Variants in PPP1R13B observed in about 807,000 individuals in gnomAD.
PPP1R13B encodes the protein protein phosphatase 1 regulatory subunit 13B, also known as apoptosis-stimulating of p53 protein 1.
In PPP1R13B, 44 loss-of-function variants were observed where a neutral mutation model predicts 119.8. The observed-to-expected ratio is 0.37, with a 90% CI of 0.29 to 0.47. The LOEUF is 0.47. PPP1R13B is among the 20% of genes least tolerant of loss of function. The pLI is 0.99. For synonymous variants in PPP1R13B, 542 were observed against 561.5 expected, an observed-to-expected ratio of 0.97 and a Z score of 0.49; for missense variants, 1,227 against 1,413.5, an observed-to-expected ratio of 0.87 and a Z score of 2.12.
chr14:103,766,693 C>G (rs547645641), intron 4 of PPP1R13B, among the ~76,000 whole-genome samples: 1 of 152,120 alleles, frequency 6.6e-6, no homozygotes, highest in Non-Finnish European at 1.5e-5. Context: ...CTGCAACTTC[C>G]GCCTCCTGGG....
At chr14:103,749,674 G>T in intron 8 of PPP1R13B, 120 bp downstream of exon 8, 1 of 1,015,214 alleles carries the variant, frequency 9.9e-7, no homozygotes. Context: ...GATGGTTTAT[G>T]GCCTATTTAT....
intron 11 of PPP1R13B, among the ~76,000 whole-genome samples, 196 bp downstream of exon 11, chr14:103,741,594 C>G (rs1407751682): frequency 6.6e-6 from 1 of 152,230 alleles, no homozygotes; most frequent in Non-Finnish European, 1.5e-5. Flanking sequence ...TGTGAGCCAT[C>G]TGCAAAACAG....
Position 103,749,894 on chromosome 14 carries a change from T to C in PPP1R13B, c.869A>G (p.Gln290Arg). 3 of 1,614,170 alleles carry C rather than the reference T, an allele frequency of 1.9e-6. No individual in the cohort carries two copies. The highest frequency in any genetic ancestry group is 2.5e-6 in the Non-Finnish European group (3 of 1,180,016). The change falls in exon 8 of 17, where the codon CAG becomes CGG. Residue 290 changes from glutamine to arginine, a missense_variant. Transcript: ENST00000202556. ...QLNQEQNSKL[Q>R]QQKELLNKRN... ...CTTATTTAAGAGTTCCTTCTGCTGC[T>C]GAAGTTTTGAATTTTGTTCCTGGTT...
intron 5 of PPP1R13B, 122 bp downstream of exon 5, chr14:103,757,528 C>A (rs577419330): frequency 1.0e-5 from 8 of 791,408 alleles, no homozygotes; most frequent in Non-Finnish European, 1.4e-5. Flanking sequence ...CTGCATTTAG[C>A]ACTCCTATGG....
intron 1 of PPP1R13B, 59 bp from the exon 2 acceptor site, chr14:103,797,577 G>C: frequency 1.4e-6 from 2 of 1,440,638 alleles, no homozygotes; most frequent in Non-Finnish European, 1.9e-6. Context: ...AGATTAATCT[G>C]TAAATTTAAA....
intron 1 of PPP1R13B, chr14:103,818,633 T>C (rs2086332980): frequency 3.1e-6 from 1 of 327,864 alleles, no homozygotes; most frequent in South Asian, 1.2e-4. Context: ...GGCTTCACAT[T>C]TGGGCAAGTT....
rs1032772427 is a variant in PPP1R13B at position 103,749,992 on chromosome 14, T to C, written c.829-58A>G. The stretch of plus-strand genomic sequence containing the variant: ...GTGTTAATTAAAAGTCAAATTCTCA[T>C]TGCCAGGGAGATTAAAAAAGAAAAA... On this transcript the variant is annotated intron_variant, in intron 7 of 16. Coordinates refer to ENST00000202556, the MANE Select transcript of PPP1R13B (RefSeq NM_015316.3). 8.9e-6 allele frequency: 14 copies of C among 1,568,308 alleles called. No individual in the cohort carries two copies. In the Admixed American group the frequency reaches 1.1e-4, roughly 13 times the overall value.
At chr14:103,758,224 ACTTACATGAAGAACACATCAT>A (rs2084722768) in intron 4 of PPP1R13B, among the ~76,000 whole-genome samples, 1 of 152,252 alleles carries the variant, frequency 6.6e-6, no homozygotes, top group African/African-American at 2.4e-5. Flanking sequence ...CATATGCATG[ACTTACATGAAGAACACATCAT>A]CCGAGAGAAT....
intron 1 of PPP1R13B, among the ~76,000 whole-genome samples, chr14:103,821,725 T>C (rs984933705): frequency 1.3e-5 from 2 of 151,968 alleles, no homozygotes; most frequent in Non-Finnish European, 2.9e-5. Flanking sequence ...CACTCCAGCC[T>C]GGGCAACAAG....
intron 2 of PPP1R13B, among the ~76,000 whole-genome samples, chr14:103,791,557 T>C (rs1487873800): frequency 6.6e-6 from 1 of 152,134 alleles, no homozygotes; most frequent in African/African-American, 2.4e-5. Flanking sequence ...AAATCCCGTC[T>C]CTACTAAAAA....
At chr14:103,775,469 T>C (rs1331980432) in intron 4 of PPP1R13B, among the ~76,000 whole-genome samples, 1 of 152,102 alleles carries the variant, frequency 6.6e-6, no homozygotes, top group African/African-American at 2.4e-5. Context: ...GAGAGAGGGT[T>C]TCACCATGTT....
intron 1 of PPP1R13B, among the ~76,000 whole-genome samples, chr14:103,802,853 T>C (rs1275379993): frequency 6.6e-6 from 1 of 152,206 alleles, no homozygotes; most frequent in Non-Finnish European, 1.5e-5. Flanking sequence ...CAAAAGTCAC[T>C]AAACATTATT....
In PPP1R13B at chr14:103,824,411, T is replaced by C. The variant is rs545466498; in HGVS notation, c.9+22888A>G. Among the ~76,000 whole-genome samples the C allele has an allele frequency of 6.0e-5, 9 of 149,630 alleles. No homozygotes were observed. The South Asian group carries it at 1.9e-3, about 32-fold the overall frequency. ...ATAATTTATTTAGAGACAGGCATTA[T>C]TAGGCAGGGTGCTGTGGCTCACACC... On this transcript the variant is annotated intron_variant, in intron 1 of 16. Transcript: ENST00000202556.
intron 7 of PPP1R13B, among the ~76,000 whole-genome samples, chr14:103,752,741 GC>G (rs112695701): frequency 0.01 from 1,585 of 152,138 alleles, 20 homozygotes; most frequent in African/African-American, 0.027. Context: ...CACCATATTG[GC>G]CAGGCTGGTC....
upstream of PPP1R13B, chr14:103,847,719 T>C (rs1319132075): frequency 8.1e-6 from 6 of 743,218 alleles, no homozygotes; most frequent in Non-Finnish European, 9.8e-6. Context: ...CTCCGCCCGC[T>C]ACCCTCGCTC....
upstream of PPP1R13B, chr14:103,848,368 A>G (rs2087123881): frequency 1.0e-6 from 1 of 985,416 alleles, no homozygotes; most frequent in Non-Finnish European, 1.2e-6. Flanking sequence ...TCCCGTCTCC[A>G]GAGGCGCCGC....
At chr14:103,839,386 G>C (rs555550937) in intron 1 of PPP1R13B, among the ~76,000 whole-genome samples, 1 of 152,032 alleles carries the variant, frequency 6.6e-6, no homozygotes, top group African/African-American at 2.4e-5. Flanking sequence ...CCAGCACTTT[G>C]GGGGGTTGAG....
chr14:103,759,899 T>C (rs961903553), intron 4 of PPP1R13B, among the ~76,000 whole-genome samples: 1 of 152,262 alleles, frequency 6.6e-6, no homozygotes, highest in African/African-American at 2.4e-5. Context: ...ATGTTGCGTG[T>C]GTTTTTCTAA....
rs140543197 is a variant in PPP1R13B, at chr14:103,823,139, C to T, written c.9+24160G>A. Among the ~76,000 whole-genome samples the T allele has an allele frequency of 6.0e-3, 907 of 152,012 alleles. 11 individuals carry two copies. Among genetic ancestry groups the T allele is most frequent in the African/African-American group, 0.021 (854 of 41,468 alleles). On this transcript the variant is annotated intron_variant, in intron 1 of 16. Coordinates refer to ENST00000202556, the MANE Select transcript of PPP1R13B (RefSeq NM_015316.3). ...AGATCATGAGGTCAGGAGATCGAGA[C>T]CATCCTGGGTAACACGGTGAAACCC...
Sources: allele counts gnomAD v4.1 joint callset (sites outside exome capture counted in the v4.1 genomes callset), GRCh38; gene constraint gnomAD v4.1.1; transcripts MANE v1.5; gene names NCBI Gene and HGNC (gene_info 2026-07-23, HGNC 2026-07-21).